The following LIPA variants were observed in gnomAD, a reference collection of about 807,000 sequenced individuals.
The protein encoded by LIPA is lysosomal acid lipase/cholesteryl ester hydrolase.
LIPA carries 26 observed loss-of-function variants against 40.6 expected under a neutral mutation model. The ratio of observed to expected loss-of-function variants is 0.64; its 90% CI spans 0.47 to 0.89. LIPA has a LOEUF of 0.89. Ranked by LOEUF, LIPA falls within the 40% of genes least tolerant of loss-of-function variation. The pLI is 0.00. For missense variants in LIPA, 455 were observed against 479.6 expected (o/e 0.95, Z 0.48); for synonymous variants, 188 against 168.4 (o/e 1.12, Z -0.90).
chr10:89,271,100 A>AC (rs1472734393), intron 1 of LIPA, among the ~76,000 whole-genome samples: 1 of 151,996 alleles, frequency 6.6e-6, no homozygotes, highest in African/African-American at 2.4e-5. Flanking sequence ...GATTCCTGTG[A>AC]CCCCTACTCA....
chr10:89,358,656 T>G (rs1380872796), intron 2 of LIPA, among the ~76,000 whole-genome samples: 1 of 152,080 alleles, frequency 6.6e-6, no homozygotes, highest in Non-Finnish European at 1.5e-5. Context: ...TTATGTTAAG[T>G]GAAATAAGCT....
At chr10:89,274,037 A>G (rs530088811) in intron 1 of LIPA, among the ~76,000 whole-genome samples, 1 of 152,342 alleles carries the variant, frequency 6.6e-6, no homozygotes, top group East Asian at 1.9e-4. Flanking sequence ...AAAGTTTGCC[A>G]CTGCCACTAT....
chr10:89,368,637 G>T (rs940959647), intron 2 of LIPA, among the ~76,000 whole-genome samples: 1 of 152,126 alleles, frequency 6.6e-6, no homozygotes, highest in African/African-American at 2.4e-5. Context: ...AGCTCTCAAT[G>T]TATGTAAGAT....
intron 5 of LIPA, among the ~76,000 whole-genome samples, chr10:89,226,061 C>A (rs1325476682): frequency 6.6e-6 from 1 of 152,124 alleles, no homozygotes; most frequent in Non-Finnish European, 1.5e-5. Flanking sequence ...CGAATTAATA[C>A]AACCCTCTCT....
chr10:89,292,936 A>T (rs1001919909), intron 1 of LIPA, among the ~76,000 whole-genome samples: 17 of 152,048 alleles, frequency 1.1e-4, no homozygotes, highest in African/African-American at 2.9e-4. Context: ...GACATGAGCC[A>T]CTGTACCTGG....
chr10:89,312,118 C>T (rs994084903), intron 1 of LIPA, among the ~76,000 whole-genome samples: 1 of 152,134 alleles, frequency 6.6e-6, no homozygotes, highest in African/African-American at 2.4e-5. Context: ...GGAAAACATG[C>T]CTACCAGGTT....
At chr10:89,392,714 T>C in intron 2 of LIPA, 1 of 1,613,926 alleles carries the variant, frequency 6.2e-7, no homozygotes, top group African/African-American at 1.3e-5. Context: ...ACAGCAACCA[T>C]GAGGTAAGGA....
chr10:89,253,349 G>T (rs768078042), upstream of LIPA, among the ~76,000 whole-genome samples: 1 of 152,180 alleles, frequency 6.6e-6, no homozygotes, highest in Non-Finnish European at 1.5e-5. Flanking sequence ...AAGGCAAAAG[G>T]CTTGTCTTAC....
At chr10:89,327,003 G>T (rs1172587920) in intron 1 of LIPA, among the ~76,000 whole-genome samples, 1 of 152,174 alleles carries the variant, frequency 6.6e-6, no homozygotes, top group East Asian at 1.9e-4. Flanking sequence ...CAGAAAGGTG[G>T]GACAATTGGA....
chr10:89,238,980 A>G (rs1842936469), intron 3 of LIPA, among the ~76,000 whole-genome samples: 1 of 152,218 alleles, frequency 6.6e-6, no homozygotes, highest in Non-Finnish European at 1.5e-5. Context: ...GAACATAACC[A>G]CTATGAAGAA....
intron 2 of LIPA, among the ~76,000 whole-genome samples, chr10:89,365,971 C>T (rs941417199): frequency 3.3e-5 from 5 of 152,164 alleles, no homozygotes; most frequent in Admixed American, 6.6e-5. Context: ...AAAGTAGTTT[C>T]TTCCAATTCT....
chr10:89,318,094 T>C (rs1366367760), intron 1 of LIPA, among the ~76,000 whole-genome samples: 5 of 152,172 alleles, frequency 3.3e-5, no homozygotes, highest in African/African-American at 7.2e-5. Flanking sequence ...GAACAACCGG[T>C]ACCAGCCACT....
At chr10:89,283,260 T>C (rs1021496017) in intron 1 of LIPA, among the ~76,000 whole-genome samples, 8 of 152,228 alleles carry the variant, frequency 5.3e-5, no homozygotes, top group South Asian at 2.1e-4. Flanking sequence ...TCCATTTCTG[T>C]ACCTCACTTC....
intron 1 of LIPA, chr10:89,328,226 A>AG: frequency 2.3e-6 from 2 of 877,794 alleles, no homozygotes; most frequent in South Asian, 3.2e-5. Flanking sequence ...AAGATGTTTG[A>AG]GGGGTTTTTC....
At chr10:89,348,748 G>C (rs537503046) in intron 2 of LIPA, among the ~76,000 whole-genome samples, 1 of 152,076 alleles carries the variant, frequency 6.6e-6, no homozygotes, top group African/African-American at 2.4e-5. Flanking sequence ...CTCAGGGCCC[G>C]GTAGTGCCTG....
upstream of LIPA, among the ~76,000 whole-genome samples, chr10:89,255,246 G>T (rs188337483): frequency 2.0e-5 from 3 of 152,300 alleles, no homozygotes; most frequent in Non-Finnish European, 4.4e-5. Context: ...ACAGTTCCAC[G>T]TGGCTAGGGA....
intron 1 of LIPA, chr10:89,306,482 T>A: frequency 1.9e-6 from 3 of 1,614,086 alleles, no homozygotes; most frequent in Non-Finnish European, 1.7e-6. Flanking sequence ...AGAATTCACC[T>A]CTGGACTGGC....
chr10:89,363,656 T>C (rs1844037351), intron 2 of LIPA, among the ~76,000 whole-genome samples: 1 of 151,464 alleles, frequency 6.6e-6, no homozygotes, highest in Non-Finnish European at 1.5e-5. Flanking sequence ...AGGCACCTGT[T>C]GTCCCAGCTA....
intron 1 of LIPA, chr10:89,307,683 C>G: frequency 4.1e-6 from 1 of 246,398 alleles, no homozygotes; most frequent in Non-Finnish European, 8.0e-6. Context: ...GAGTAATCTA[C>G]TGGGCTTGTT....
Sources: allele counts gnomAD v4.1 joint callset (sites outside exome capture counted in the v4.1 genomes callset), GRCh38; gene constraint gnomAD v4.1.1; transcripts MANE v1.5; gene names NCBI Gene and HGNC (gene_info 2026-07-23, HGNC 2026-07-21).